The following CHST15 variants were observed in gnomAD, a reference collection of about 807,000 sequenced individuals.
CHST15 encodes B cell RAG associated protein (GALNAC4S-6ST).
CHST15 carries 30 observed loss-of-function variants against 53.6 expected under a neutral mutation model. That is an observed-to-expected ratio of 0.56 (90% CI 0.42 to 0.76). CHST15 has a LOEUF of 0.76. Ranked by LOEUF, CHST15 falls within the 30% of genes least tolerant of loss-of-function variation. CHST15 has a pLI of 0.00. For synonymous variants in CHST15, 296 were observed against 289.8 expected (o/e 1.02, Z -0.22); for missense variants, 627 against 740.5 (o/e 0.85, Z 1.78).
chr10:124,077,986 C>G (rs1949128850), intron 1 of CHST15, among the ~76,000 whole-genome samples: 1 of 152,172 alleles, frequency 6.6e-6, no homozygotes, highest in Non-Finnish European at 1.5e-5. Flanking sequence ...AGAAATTCTA[C>G]CAACCTTAAA....
chr10:124,073,971 G>A (rs757357742), intron 1 of CHST15, among the ~76,000 whole-genome samples: 5 of 152,138 alleles, frequency 3.3e-5, no homozygotes, highest in Non-Finnish European at 7.3e-5. Context: ...CCACATCCCG[G>A]GCCTGCTCAC....
chr10:124,040,728 G>A (rs948104130), intron 4 of CHST15, among the ~76,000 whole-genome samples: 15 of 152,226 alleles, frequency 9.9e-5, no homozygotes, highest in Non-Finnish European at 1.9e-4. Flanking sequence ...ATGAACGGCC[G>A]CAAGGCACAG....
chr10:124,042,214 G>A (rs1477896249), intron 4 of CHST15, 87 bp downstream of exon 4: 8 of 1,381,366 alleles, frequency 5.8e-6, no homozygotes, highest in Non-Finnish European at 7.9e-6. Flanking sequence ...ATGTTCTGGA[G>A]GTGAAGCAGA....
intron 5 of CHST15, among the ~76,000 whole-genome samples, chr10:124,022,178 G>T (rs1197398631): frequency 6.6e-6 from 1 of 152,098 alleles, no homozygotes; most frequent in East Asian, 1.9e-4. Context: ...CCCTATTTTA[G>T]CAAGAATCCT....
intron 5 of CHST15, among the ~76,000 whole-genome samples, chr10:124,029,797 C>T (rs528544229): frequency 2.6e-5 from 4 of 152,190 alleles, no homozygotes; most frequent in Non-Finnish European, 4.4e-5. Flanking sequence ...TGTGCTGCCA[C>T]CCCCTCCTTC....
At chr10:124,088,810 A>G (rs541099784) in intron 1 of CHST15, among the ~76,000 whole-genome samples, 8 of 152,308 alleles carry the variant, frequency 5.3e-5, no homozygotes, top group Non-Finnish European at 1.0e-4. Context: ...TAAAAAATCT[A>G]TGTTGGCCCA....
chr10:124,075,573 A>T (rs1446249277), intron 1 of CHST15, among the ~76,000 whole-genome samples: 1 of 152,158 alleles, frequency 6.6e-6, no homozygotes, highest in African/African-American at 2.4e-5. Context: ...AAGAGATCTG[A>T]CTTGGGCAGC....
intron 5 of CHST15, among the ~76,000 whole-genome samples, chr10:124,034,788 G>C (rs71504507): frequency 0.71 from 81,931 of 115,752 alleles, 29,801 homozygotes; most frequent in African/African-American, 0.88. Flanking sequence ...TAACAGGGAC[G>C]CCGGCTCCGC....
Position 124,007,984 on chromosome 10 carries a change from GA to G in CHST15, c.*2164del, listed in dbSNP as rs1554899554. The G allele has an allele frequency of 1.7e-5, 3 of 177,958 alleles. No homozygotes were observed. The highest frequency in any genetic ancestry group is 4.4e-3 in the East Asian group (2 of 450). 11.0% of individuals were successfully genotyped at this position (177,958 alleles called of 1,614,324 possible). On this transcript the variant is annotated 3_prime_UTR_variant, in exon 8 of 8. Coordinates refer to ENST00000435907, the MANE Select transcript of CHST15 (RefSeq NM_001270764.2). ...GCAGAGGCAGCCGAAGTGCCCTCTG[GA>G]GAGAAAGGCCCCTGGAGGGAAAAAC...
At position 124,045,732 on chromosome 10, in the gene CHST15, T is replaced by C. The variant is rs201859330; in HGVS notation, c.481A>G (p.Thr161Ala). The change falls in exon 2 of 8, where the codon ACT becomes GCT. Residue 161 changes from threonine (T) to alanine (A), a missense_variant. Physicochemically the swap from Thr to Ala is moderately conservative, Grantham distance 58. Transcript: ENST00000435907. ...TGTCTGGTCGTGAACTCAATCCTAG[T>C]TGTGATGCTGTTGATAATTAATTTA... ...SIKLIINSIT[T>A]RIEFTTRQLP... The C allele has an allele frequency of 1.2e-6, 2 of 1,614,092 alleles. No homozygotes were observed. The highest frequency in any genetic ancestry group is 1.3e-5 in the African/African-American group (1 of 75,040).
chr10:124,075,527 G>A (rs767581245), intron 1 of CHST15, among the ~76,000 whole-genome samples: 6 of 152,114 alleles, frequency 3.9e-5, no homozygotes, highest in Admixed American at 6.5e-5. Flanking sequence ...AAAATCTAGC[G>A]GTGGTGCACA....
At chr10:124,045,131 A>AAAC (rs1554911464) in intron 2 of CHST15, among the ~76,000 whole-genome samples, 1,122 of 111,760 alleles carry the variant, frequency 0.01, 53 homozygotes, top group Admixed American at 0.061. Flanking sequence ...AAAAAAAAAA[A>AAAC]AAAAAAAAAA....
Position 124,020,475 on chromosome 10 carries a change from G to A in CHST15, c.1347+781C>T, listed in dbSNP as rs765894043. 36 of 985,478 alleles carry A rather than the reference G, an allele frequency of 3.7e-5. No homozygotes were observed. In the Admixed American group the frequency reaches 3.7e-4, roughly 10 times the overall value. 61.0% of individuals were successfully genotyped at this position (985,478 alleles called of 1,614,324 possible). A position where few individuals can be genotyped will look rare whatever the true frequency, so the allele number is the denominator to read the frequency against. Reference sequence around the variant, plus strand: ...CTGCATGCTGCCTCCCAGATCCCACGGCCTCTGTAGTAAGAAAGAGGGGGC... The same window carrying A: ...CTGCATGCTGCCTCCCAGATCCCACAGCCTCTGTAGTAAGAAAGAGGGGGC... On this transcript the variant is annotated intron_variant, in intron 6 of 7. Coordinates refer to ENST00000435907, the MANE Select transcript of CHST15 (RefSeq NM_001270764.2).
In CHST15 at chr10:124,075,242, G is replaced by A. The variant is rs117622832; in HGVS notation, c.-513+18227C>T. Among the ~76,000 whole-genome samples, 1,132 of 152,244 alleles carry A rather than the reference G, an allele frequency of 7.4e-3. 7 individuals are homozygous for A. The highest frequency in any genetic ancestry group is 0.024 in the Middle Eastern group (7 of 294). Reference sequence around the variant, plus strand: ...GAACAGGCTGTGCATCCCCACGGTGGGGAGGGTACAATCCCAGACACCCAG... The same window carrying A: ...GAACAGGCTGTGCATCCCCACGGTGAGGAGGGTACAATCCCAGACACCCAG... On this transcript the variant is annotated intron_variant, in intron 1 of 7. Coordinates refer to ENST00000435907, the MANE Select transcript of CHST15 (RefSeq NM_001270764.2).
At position 124,024,855 on chromosome 10, in the gene CHST15, G is replaced by A. The variant is rs1946935275; in HGVS notation, c.1191-3443C>T. On this transcript the variant is annotated intron_variant, in intron 5 of 7. Transcript: ENST00000435907. This position sits in a 1 kb window ranked among gnomAD's most constrained non-coding sequence, Gnocchi z 4.0. ...CCTTCCTGGCTCACACATTTCCTAT[G>A]AGTCCTGTCAATAATATGGCTCAGC... Among the ~76,000 whole-genome samples, 1 of 152,158 alleles carries A rather than the reference G, an allele frequency of 6.6e-6. No individual in the cohort carries two copies. Among genetic ancestry groups the A allele is most frequent in the South Asian group, 2.1e-4 (1 of 4,832 alleles).
chr10:124,081,525 C>T (rs1472238672), intron 1 of CHST15, among the ~76,000 whole-genome samples: 6 of 152,196 alleles, frequency 3.9e-5, no homozygotes, highest in Non-Finnish European at 7.3e-5. Flanking sequence ...GATTTATAGC[C>T]ACAGAGTTTC....
chr10:124,015,203 C>A (rs936309142), intron 6 of CHST15, among the ~76,000 whole-genome samples: 15 of 152,166 alleles, frequency 9.9e-5, no homozygotes, highest in Non-Finnish European at 1.8e-4. Flanking sequence ...ACAAAGACAG[C>A]CCCCAGCAGA....
chr10:124,077,074 C>T (rs942610367), intron 1 of CHST15, among the ~76,000 whole-genome samples: 1 of 152,160 alleles, frequency 6.6e-6, no homozygotes, highest in Non-Finnish European at 1.5e-5. Context: ...ATAGATGGAT[C>T]TGGAGATACT....
intron 1 of CHST15, among the ~76,000 whole-genome samples, chr10:124,085,268 C>A (rs1477045070): frequency 6.6e-6 from 1 of 152,234 alleles, no homozygotes; most frequent in East Asian, 1.9e-4. Flanking sequence ...GAAACACCAG[C>A]AGCCTCCACA....
Sources: allele counts gnomAD v4.1 joint callset (sites outside exome capture counted in the v4.1 genomes callset), GRCh38; gene constraint gnomAD v4.1.1; non-coding constraint Gnocchi (gnomAD v3.1); transcripts MANE v1.5; gene names NCBI Gene and HGNC (gene_info 2026-07-23, HGNC 2026-07-21).